The following PARN variants were observed in gnomAD, a reference collection of about 807,000 sequenced individuals.
PARN encodes poly(A)-specific ribonuclease PARN.
A neutral mutation model predicts 102.8 loss-of-function variants in PARN; 71 were observed. The observed-to-expected ratio is 0.69, with a 90% CI of 0.57 to 0.84. The LOEUF (loss-of-function observed/expected upper bound fraction) is 0.84, where lower values mean the gene tolerates loss of function less well. PARN is among the 40% of genes least tolerant of loss of function. The probability of loss-of-function intolerance (pLI) is 0.00; values close to 1 mark genes in which losing one functional copy is unlikely to be tolerated. For missense variants in PARN, 782 were observed against 760.9 expected (o/e 1.03, Z -0.33); for synonymous variants, 261 against 252.9 (o/e 1.03, Z -0.30).
chr16:14,472,302 T>C (rs1438463262), intron 22 of PARN, among the ~76,000 whole-genome samples: 1 of 152,228 alleles, frequency 6.6e-6, no homozygotes, highest in Admixed American at 6.5e-5. Context: ...TCTAGTTTTA[T>C]GCTGAATATT....
chr16:14,521,536 C>T (rs1338944073), intron 21 of PARN, among the ~76,000 whole-genome samples: 2 of 152,198 alleles, frequency 1.3e-5, no homozygotes, highest in East Asian at 1.9e-4. Flanking sequence ...CGGTGGCTCA[C>T]GCCTGTAATC....
At chr16:14,537,495 C>G (rs1966659602) in intron 21 of PARN, among the ~76,000 whole-genome samples, 1 of 152,162 alleles carries the variant, frequency 6.6e-6, no homozygotes, top group African/African-American at 2.4e-5. Context: ...ATGTTTACTG[C>G]AGCACTATTC....
intron 18 of PARN, among the ~76,000 whole-genome samples, chr16:14,565,313 T>C (rs1183375321): frequency 3.3e-5 from 5 of 151,918 alleles, no homozygotes; most frequent in Non-Finnish European, 7.4e-5. Context: ...CAGTTTTCAA[T>C]CTAGCCACTT....
At chr16:14,497,565 C>T (rs932948858) in intron 21 of PARN, among the ~76,000 whole-genome samples, 5 of 152,214 alleles carry the variant, frequency 3.3e-5, no homozygotes, top group Non-Finnish European at 4.4e-5. Flanking sequence ...AGTATTAAAT[C>T]TGCCACAACA....
intron 3 of PARN, among the ~76,000 whole-genome samples, 179 bp from the exon 4 acceptor site, chr16:14,627,515 C>T (rs1337838209): frequency 1.3e-5 from 2 of 152,168 alleles, no homozygotes; most frequent in Non-Finnish European, 2.9e-5. Context: ...TTTCATAATA[C>T]TTTTCCCATT....
intron 22 of PARN, among the ~76,000 whole-genome samples, chr16:14,448,045 A>T (rs1218897064): frequency 6.6e-6 from 1 of 151,552 alleles, no homozygotes; most frequent in Non-Finnish European, 1.5e-5. Context: ...AGTGCAGTGG[A>T]GTGATCTCGG....
intron 21 of PARN, among the ~76,000 whole-genome samples, chr16:14,503,803 T>C (rs1266009320): frequency 6.6e-6 from 1 of 152,166 alleles, no homozygotes; most frequent in Non-Finnish European, 1.5e-5. Flanking sequence ...GAAGACCCTG[T>C]TGAATGGCTT....
chr16:14,630,130 C>A lies in PARN; in HGVS notation c.-5G>T. ...ACTGCTCCTGATTATCTCCATTCTG[C>A]AGAGTGGCCGGAACCTTGGCCCCAC... On this transcript the variant is annotated 5_prime_UTR_variant, in exon 1 of 24. Coordinates refer to ENST00000437198, the MANE Select transcript of PARN (RefSeq NM_002582.4). 1 of 1,561,168 alleles carries A rather than the reference C, an allele frequency of 6.4e-7. No homozygotes were observed. The highest frequency in any genetic ancestry group is 1.9e-5 in the Admixed American group (1 of 52,372).
At chr16:14,492,117 G>C (rs1196023669) in intron 21 of PARN, among the ~76,000 whole-genome samples, 2 of 152,150 alleles carry the variant, frequency 1.3e-5, no homozygotes, top group African/African-American at 2.4e-5. Context: ...TCATATCGTG[G>C]GTGTTTCTCC....
chr16:14,609,280 A>T (rs981464862), intron 7 of PARN, among the ~76,000 whole-genome samples, 157 bp from the exon 8 acceptor site: 16 of 152,228 alleles, frequency 1.1e-4, no homozygotes, highest in African/African-American at 3.6e-4. Flanking sequence ...AGACTTTTTT[A>T]AAAATGCTTT....
At chr16:14,582,913 T>C (rs940499297) in intron 16 of PARN, among the ~76,000 whole-genome samples, 1 of 152,184 alleles carries the variant, frequency 6.6e-6, no homozygotes, top group African/African-American at 2.4e-5. Flanking sequence ...TCAAAAACTG[T>C]TATCTATCAA....
chr16:14,437,127 A>C (rs966137702), intron 23 of PARN, among the ~76,000 whole-genome samples: 1 of 152,208 alleles, frequency 6.6e-6, no homozygotes, highest in African/African-American at 2.4e-5. Context: ...TAATTCATAT[A>C]ATCTTCATTA....
chr16:14,601,541 G>A (rs1246226168), intron 11 of PARN, among the ~76,000 whole-genome samples: 1 of 152,142 alleles, frequency 6.6e-6, no homozygotes, highest in Admixed American at 6.5e-5. Context: ...TGATTGCACA[G>A]CAATGTTAAA....
At chr16:14,618,726 C>A (rs1345777691) in intron 5 of PARN, among the ~76,000 whole-genome samples, 2 of 151,610 alleles carry the variant, frequency 1.3e-5, no homozygotes, top group Non-Finnish European at 2.9e-5. Flanking sequence ...AGCTCCTGAT[C>A]GCTTGACTGT....
chr16:14,450,061 T>A (rs1457478587), intron 22 of PARN, among the ~76,000 whole-genome samples: 1 of 152,158 alleles, frequency 6.6e-6, no homozygotes, highest in Non-Finnish European at 1.5e-5. Context: ...AGTACCTAAA[T>A]GTCTAAGCAT....
At chr16:14,549,581 T>C (rs1321818099) in intron 21 of PARN, among the ~76,000 whole-genome samples, 3 of 152,226 alleles carry the variant, frequency 2.0e-5, no homozygotes, top group Non-Finnish European at 4.4e-5. Flanking sequence ...AGAGCAACTG[T>C]TATTTGACAT....
At chr16:14,553,702 T>A (rs190265052) in intron 20 of PARN, among the ~76,000 whole-genome samples, 6 of 152,340 alleles carry the variant, frequency 3.9e-5, no homozygotes, top group African/African-American at 1.2e-4. Context: ...CTTTGATTAA[T>A]CTAAAGCAGA....
chr16:14,557,146 T>C (rs1466760385), intron 18 of PARN, among the ~76,000 whole-genome samples: 2 of 152,176 alleles, frequency 1.3e-5, no homozygotes, highest in Non-Finnish European at 2.9e-5. Context: ...AACAATATAT[T>C]ATGCATTTCT....
chr16:14,575,592 T>A (rs1324660938), intron 18 of PARN, among the ~76,000 whole-genome samples: 3 of 152,186 alleles, frequency 2.0e-5, no homozygotes, highest in Non-Finnish European at 4.4e-5. Context: ...CCCCATTGTA[T>A]CTAGGAAGTA....
Sources: gnomAD v4.1 joint callset for allele counts (sites outside exome capture counted in the v4.1 genomes callset) on GRCh38, gnomAD v4.1.1 for gene constraint, MANE v1.5 for transcripts, NCBI Gene and HGNC (gene_info 2026-07-23, HGNC 2026-07-21) for gene names.